PTPRN2: variants seen among roughly 807,000 people sequenced by gnomAD.
PTPRN2 encodes the protein protein tyrosine phosphatase receptor type N2.
Under a neutral mutation model 118.8 loss-of-function variants are expected in PTPRN2, and 74 were observed. The ratio of observed to expected loss-of-function variants is 0.62; its 90% CI spans 0.52 to 0.76. PTPRN2 has a LOEUF of 0.76. Ranked by LOEUF, PTPRN2 falls within the 30% of genes least tolerant of loss-of-function variation. PTPRN2 has a pLI of 0.00. For synonymous variants in PTPRN2, 641 were observed against 608.0 expected (o/e 1.05, Z -0.80); for missense variants, 1,481 against 1,394.4 (o/e 1.06, Z -0.99).
intron 2 of PTPRN2, among the ~76,000 whole-genome samples, chr7:158,377,854 C>A (rs149572979): frequency 2.1e-4 from 32 of 152,058 alleles, no homozygotes; most frequent in African/African-American, 7.5e-4. Flanking sequence ...CAGGCAGAAG[C>A]CTCCCCCACA....
chr7:157,578,680 C>A (rs765032004), intron 17 of PTPRN2, among the ~76,000 whole-genome samples: 3 of 152,210 alleles, frequency 2.0e-5, no homozygotes, highest in African/African-American at 7.2e-5. Context: ...AAGCAAATAC[C>A]AAATTGATTT....
intron 3 of PTPRN2, among the ~76,000 whole-genome samples, chr7:158,223,500 G>T (rs1828516530): frequency 6.6e-6 from 1 of 151,996 alleles, no homozygotes; most frequent in African/African-American, 2.4e-5. Flanking sequence ...ATGAAAGGCT[G>T]GTTCACTATT....
intron 13 of PTPRN2, among the ~76,000 whole-genome samples, chr7:157,660,245 A>T (rs892700069): frequency 6.6e-6 from 1 of 152,130 alleles, no homozygotes; most frequent in African/African-American, 2.4e-5. Flanking sequence ...GAGGATTTGA[A>T]ACGCTGGAGA....
chr7:158,328,309 G>A (rs56380958), intron 2 of PTPRN2, among the ~76,000 whole-genome samples: 3,115 of 152,328 alleles, frequency 0.02, 103 homozygotes, highest in African/African-American at 0.07. Context: ...CGTTGGATCC[G>A]TGGGCTGCGT....
intron 12 of PTPRN2, among the ~76,000 whole-genome samples, chr7:157,786,651 C>T (rs966975130): frequency 9.2e-5 from 14 of 152,358 alleles, no homozygotes; most frequent in African/African-American, 3.1e-4. Flanking sequence ...GAGGCGCTGC[C>T]GGTGAGGGCC....
At chr7:157,768,336 G>C (rs1802605273) in intron 12 of PTPRN2, among the ~76,000 whole-genome samples, 1 of 152,180 alleles carries the variant, frequency 6.6e-6, no homozygotes. Context: ...TGTGCGATCT[G>C]AGTGTGTTCA....
intron 11 of PTPRN2, among the ~76,000 whole-genome samples, chr7:157,904,625 G>A (rs538228389): frequency 1.3e-4 from 20 of 152,356 alleles, no homozygotes; most frequent in East Asian, 3.9e-4. Context: ...GCGTCTACGC[G>A]TTCCCTTGGC....
chr7:158,138,355 C>CT lies in PTPRN2; in HGVS notation c.1070_1071insA (p.Glu359ArgfsTer21), dbSNP rs1217613337. ...CATCCGCCTGTTCTCCAGACTCTCC[C>CT]AGGGCCGCTCTCCCAGGGCTGCCTC... On this transcript the variant is annotated frameshift_variant, in exon 7 of 23. Coordinates refer to ENST00000389418, the MANE Select transcript of PTPRN2 (RefSeq NM_002847.5). LOFTEE classifies it high-confidence loss of function. 4 of 1,613,816 alleles carry CT rather than the reference C, an allele frequency of 2.5e-6. No homozygotes were observed.
At chr7:158,102,183 G>A (rs567964483) in intron 10 of PTPRN2, among the ~76,000 whole-genome samples, 16 of 152,276 alleles carry the variant, frequency 1.1e-4, no homozygotes, top group East Asian at 5.8e-4. Context: ...GCAGCAGGGC[G>A]GCCAGGAGGG....
chr7:158,337,316 T>C (rs4909187), intron 2 of PTPRN2, among the ~76,000 whole-genome samples: 132,778 of 140,236 alleles, frequency 0.95, 62,768 homozygotes, highest in Middle Eastern at 0.97. Context: ...ACAGACATCA[T>C]TCACACCCAC....
chr7:158,122,822 G>T (rs1295552713), intron 9 of PTPRN2, among the ~76,000 whole-genome samples: 1 of 152,164 alleles, frequency 6.6e-6, no homozygotes, highest in Non-Finnish European at 1.5e-5. Context: ...GGTGGGGTGA[G>T]CCCGGGGACC....
intron 2 of PTPRN2, among the ~76,000 whole-genome samples, chr7:158,414,409 G>A (rs2335170): frequency 0.44 from 66,284 of 151,998 alleles, 15,596 homozygotes; most frequent in East Asian, 0.76. Context: ...GGCTATTCAG[G>A]CCTAAGAAGG....
At chr7:157,612,479 G>A (rs1036819142) in intron 15 of PTPRN2, among the ~76,000 whole-genome samples, 28 of 152,364 alleles carry the variant, frequency 1.8e-4, no homozygotes, top group African/African-American at 6.7e-4. Context: ...CAGCTCACAC[G>A]CCTTATCACC....
At position 157,953,443 on chromosome 7, in the gene PTPRN2, T is replaced by C. The variant is rs572424922; in HGVS notation, c.1724-54706A>G. Among the ~76,000 whole-genome samples, 21 of 152,168 alleles carry C rather than the reference T, an allele frequency of 1.4e-4. No individual in the cohort carries two copies. The East Asian group carries it at 3.5e-3, about 25-fold the overall frequency. ...GGCCTGGGTGGCATGGAGAGTGTCC[T>C]CCCAGGATACAGCGGAGTGCCCGTC... On this transcript the variant is annotated intron_variant, in intron 11 of 22. Coordinates refer to ENST00000389418, the MANE Select transcript of PTPRN2 (RefSeq NM_002847.5). The surrounding 1 kb of genome is among the most constrained non-coding windows in gnomAD (Gnocchi z 4.6).
chr7:158,342,152 C>T (rs1365239604), intron 2 of PTPRN2, among the ~76,000 whole-genome samples: 4 of 148,718 alleles, frequency 2.7e-5, no homozygotes, highest in Non-Finnish European at 5.9e-5. Context: ...GCAGAGGTCA[C>T]TCACACCCAC....
At chr7:157,828,835 C>T (rs970686609) in intron 12 of PTPRN2, among the ~76,000 whole-genome samples, 14 of 152,230 alleles carry the variant, frequency 9.2e-5, no homozygotes, top group African/African-American at 9.6e-5. Context: ...ATTTTAACAA[C>T]GCCACTCAGT....
chr7:158,010,161 G>A (rs1369185936), intron 11 of PTPRN2, among the ~76,000 whole-genome samples: 2 of 152,176 alleles, frequency 1.3e-5, no homozygotes, highest in East Asian at 1.9e-4. Context: ...AGCAAGCTCA[G>A]CACAAGGTAA....
At chr7:158,129,486 G>GCA (rs950293989) in intron 9 of PTPRN2, among the ~76,000 whole-genome samples, 1 of 107,692 alleles carries the variant, frequency 9.3e-6, no homozygotes, top group African/African-American at 3.4e-5. Context: ...ACAACACACA[G>GCA]CACACACACA....
intron 12 of PTPRN2, among the ~76,000 whole-genome samples, chr7:157,856,283 T>C (rs898071114): frequency 3.3e-5 from 5 of 152,268 alleles, no homozygotes; most frequent in Non-Finnish European, 5.9e-5. Flanking sequence ...GACCCAGTTG[T>C]CTGAAACATT....
Sources: allele counts gnomAD v4.1 joint callset (sites outside exome capture counted in the v4.1 genomes callset), GRCh38; gene constraint gnomAD v4.1.1; non-coding constraint Gnocchi (gnomAD v3.1); transcripts MANE v1.5; gene names NCBI Gene and HGNC (gene_info 2026-07-23, HGNC 2026-07-21).